The following DNAJC18 variants were observed in gnomAD, a reference collection of about 807,000 sequenced individuals.
DNAJC18 encodes the protein dnaJ homolog subfamily C member 18.
In DNAJC18, 40 loss-of-function variants were observed where a neutral mutation model predicts 48.6. The observed-to-expected ratio is 0.82, with a 90% CI of 0.64 to 1.07. DNAJC18 has a LOEUF of 1.07. DNAJC18 is among the 50% of genes least tolerant of loss of function. The probability of loss-of-function intolerance (pLI) is 0.00; values close to 1 mark genes in which losing one functional copy is unlikely to be tolerated. For missense variants in DNAJC18, 340 were observed against 427.7 expected (o/e 0.79, Z 1.81); for synonymous variants, 135 against 152.2 (o/e 0.89, Z 0.83).
At chr5:139,424,246 C>T (rs923492828) in intron 5 of DNAJC18, among the ~76,000 whole-genome samples, 8 of 152,126 alleles carry the variant, frequency 5.3e-5, no homozygotes, top group Admixed American at 5.2e-4. Flanking sequence ...TGGAGACAAT[C>T]TGGGCCCAAA....
chr5:139,433,056 G>C (rs1350998677), intron 2 of DNAJC18, among the ~76,000 whole-genome samples: 1 of 152,172 alleles, frequency 6.6e-6, no homozygotes, highest in Non-Finnish European at 1.5e-5. Context: ...GAGGTGAGTG[G>C]AAGCCTTGAG....
chr5:139,423,308 T>C (rs1759183373), intron 5 of DNAJC18, among the ~76,000 whole-genome samples: 1 of 151,874 alleles, frequency 6.6e-6, no homozygotes, highest in African/African-American at 2.4e-5. Context: ...AAATTCAAAA[T>C]CACAAATGCT....
intron 6 of DNAJC18, 42 bp downstream of exon 6, chr5:139,422,666 C>G (rs763107316): frequency 6.9e-7 from 1 of 1,439,340 alleles, no homozygotes; most frequent in Non-Finnish European, 9.7e-7. Context: ...GTCTTTCACC[C>G]CCAGACTGTT....
chr5:139,420,796 G>A (rs1426734065), intron 6 of DNAJC18, among the ~76,000 whole-genome samples: 1 of 151,890 alleles, frequency 6.6e-6, no homozygotes, highest in Non-Finnish European at 1.5e-5. Context: ...GGTATCTGGT[G>A]CTTAGCAACA....
chr5:139,426,500 A>G lies in DNAJC18; in HGVS notation c.374-143T>C, dbSNP rs987995193. The G allele has an allele frequency of 5.6e-6, 5 of 897,140 alleles. No homozygotes were observed. The African/African-American group carries it at 8.4e-5, about 15-fold the overall frequency. The allele number at this position is 897,140 out of a possible 1,614,324, so 55.6% of individuals were successfully genotyped here. A position where few individuals can be genotyped will look rare whatever the true frequency, so the allele number is the denominator to read the frequency against. On this transcript the variant is annotated intron_variant, in intron 3 of 7. Transcript: ENST00000302060. ...CAAGAAGAGATGCTTGGGCCTAGAA[A>G]GTTCTCCACAGTGCTTGCCCTTCAG... is the stretch of plus-strand genomic sequence containing the variant.
At chr5:139,417,841 T>C (rs1414645871) in intron 7 of DNAJC18, among the ~76,000 whole-genome samples, 2 of 152,172 alleles carry the variant, frequency 1.3e-5, no homozygotes, top group African/African-American at 4.8e-5. Context: ...CCCAAAGTGC[T>C]GGGATTACAG....
At chr5:139,421,102 GA>G (rs1306449803) in intron 6 of DNAJC18, among the ~76,000 whole-genome samples, 2 of 152,160 alleles carry the variant, frequency 1.3e-5, no homozygotes, top group East Asian at 3.9e-4. Flanking sequence ...GTGCCATATG[GA>G]AAAACATGAG....
intron 3 of DNAJC18, among the ~76,000 whole-genome samples, chr5:139,427,349 C>T (rs1581418950): frequency 6.6e-6 from 1 of 152,080 alleles, no homozygotes; most frequent in Non-Finnish European, 1.5e-5. Flanking sequence ...ACATACAATC[C>T]GTAGCACCAA....
chr5:139,434,240 A>G (rs1759374964), intron 2 of DNAJC18, among the ~76,000 whole-genome samples: 1 of 152,212 alleles, frequency 6.6e-6, no homozygotes, highest in Non-Finnish European at 1.5e-5. Flanking sequence ...TAAAATTGAC[A>G]TATAAAAATC....
chr5:139,422,235 A>C (rs1241746113), intron 6 of DNAJC18, among the ~76,000 whole-genome samples: 1 of 152,198 alleles, frequency 6.6e-6, no homozygotes, highest in East Asian at 1.9e-4. Context: ...ATCCTATCAG[A>C]GTTTATAATC....
chr5:139,433,633 G>A (rs906556957), intron 2 of DNAJC18, among the ~76,000 whole-genome samples: 1 of 152,112 alleles, frequency 6.6e-6, no homozygotes, highest in Non-Finnish European at 1.5e-5. Flanking sequence ...CAGTAGTACA[G>A]TACTACTGTT....
chr5:139,419,937 C>T, intron 7 of DNAJC18, 116 bp downstream of exon 7: 1 of 1,063,172 alleles, frequency 9.4e-7, no homozygotes. Context: ...TCCTCTGACT[C>T]TGTTCACATA....
chr5:139,437,515 T>C lies in DNAJC18; in HGVS notation c.84A>G (p.Thr28=), dbSNP rs1257901209. The C allele has an allele frequency of 2.5e-6, 4 of 1,613,634 alleles. No individual in the cohort carries two copies. In the African/African-American group the frequency reaches 4.0e-5, roughly 16 times the overall value. Residue 28 remains threonine, a synonymous_variant, in exon 2 of 8, where the codon ACA becomes ACG. Transcript: ENST00000302060. ...AVRRNKYPED[T]PPESHDPCGC... ...CACAGGGGTCATGACTCTCAGGAGG[T>C]GTGTCTTCTGGGTATTTGTTTCTTC... is the stretch of plus-strand genomic sequence containing the variant.
intron 6 of DNAJC18, among the ~76,000 whole-genome samples, chr5:139,422,416 G>A (rs1323092340): frequency 6.6e-6 from 1 of 152,170 alleles, no homozygotes; most frequent in African/African-American, 2.4e-5. Flanking sequence ...GTGATAATGA[G>A]TTCATCTAAA....
At chr5:139,437,685 C>T (rs2152085691) in intron 1 of DNAJC18, 127 bp from the exon 2 acceptor site, 8 of 1,090,366 alleles carry the variant, frequency 7.3e-6, no homozygotes, top group Non-Finnish European at 8.9e-6. Flanking sequence ...GGGCTAGAGG[C>T]GTCATGCTGA....
Position 139,414,147 on chromosome 5 carries a change from C to T in DNAJC18, c.*1G>A, listed in dbSNP as rs1156317277. The stretch of plus-strand genomic sequence containing the variant: ...CAGCCCTGCGTAGGACCATTATCCT[C>T]TCAGCCACCTCTGCGTAGGCCAATG... On this transcript the variant is annotated 3_prime_UTR_variant, in exon 8 of 8. Coordinates refer to ENST00000302060, the MANE Select transcript of DNAJC18 (RefSeq NM_152686.4). 1.2e-6 allele frequency: 2 copies of T among 1,613,026 alleles called. No individual in the cohort carries two copies. Among genetic ancestry groups the T allele is most frequent in the Non-Finnish European group, 1.7e-6 (2 of 1,179,756 alleles).
At chr5:139,424,183 C>T (rs1378946561) in intron 5 of DNAJC18, among the ~76,000 whole-genome samples, 3 of 152,204 alleles carry the variant, frequency 2.0e-5, no homozygotes, top group Non-Finnish European at 4.4e-5. Flanking sequence ...GGAAGTAGAA[C>T]AAGCAAAGCT....
chr5:139,420,826 G>A (rs1759140951), intron 6 of DNAJC18, among the ~76,000 whole-genome samples: 1 of 151,922 alleles, frequency 6.6e-6, no homozygotes, highest in Admixed American at 6.6e-5. Context: ...GTACTGAGCT[G>A]ACTAATTCTA....
Position 139,415,146 on chromosome 5 carries a change from C to G in DNAJC18, c.953-874G>C, listed in dbSNP as rs144925262. Among the ~76,000 whole-genome samples, 838 of 152,172 alleles carry G rather than the reference C, an allele frequency of 5.5e-3. 11 individuals are homozygous for G. The highest frequency in any genetic ancestry group is 0.018 in the African/African-American group (758 of 41,498). Reference sequence around the variant, plus strand: ...AGGCAGCTACTCAATGTTTAAAGGACCAGACTTGTAAAAATGCTATTTTAA... The same window carrying G: ...AGGCAGCTACTCAATGTTTAAAGGAGCAGACTTGTAAAAATGCTATTTTAA... On this transcript the variant is annotated intron_variant, in intron 7 of 7. Coordinates refer to ENST00000302060, the MANE Select transcript of DNAJC18 (RefSeq NM_152686.4).
Sources: gnomAD v4.1 joint callset for allele counts (sites outside exome capture counted in the v4.1 genomes callset) on GRCh38, gnomAD v4.1.1 for gene constraint, MANE v1.5 for transcripts, NCBI Gene and HGNC (gene_info 2026-07-23, HGNC 2026-07-21) for gene names.